Variants in AXIN1 observed in about 807,000 individuals in gnomAD.
The protein encoded by AXIN1 is axin-1.
A neutral mutation model predicts 76.4 loss-of-function variants in AXIN1; 30 were observed. The ratio of observed to expected loss-of-function variants is 0.39; its 90% CI spans 0.29 to 0.53. The LOEUF (loss-of-function observed/expected upper bound fraction) is 0.53, where lower values mean the gene tolerates loss of function less well. Among genes scored for constraint, AXIN1 ranks in the 20% least tolerant of loss-of-function variants. AXIN1 has a pLI of 0.66. For missense variants in AXIN1, 1,140 were observed against 1,198.8 expected (o/e 0.95, Z 0.72); for synonymous variants, 545 against 501.4 (o/e 1.09, Z -1.16).
intron 9 of AXIN1, 52 bp from the exon 10 acceptor site, chr16:289,659 G>T: frequency 6.2e-7 from 1 of 1,605,784 alleles, no homozygotes. Flanking sequence ...AGGTCCCACA[G>T]GGTCCCTCCT....
chr16:346,963 G>C lies in AXIN1; in HGVS notation c.63C>G (p.Pro21=), dbSNP rs1443516631. The change falls in exon 2 of 11, where the codon CCC becomes CCG. Residue 21 remains proline, a synonymous_variant. Coordinates refer to ENST00000262320, the MANE Select transcript of AXIN1 (RefSeq NM_003502.4). ...CCTCCTCACCAGGCACTGGGGGTCG[G>C]GGAGCATCTTCGGTGAAACTTGCTC... is the stretch of plus-strand genomic sequence containing the variant. ...DLGASFTEDA[P]RPPVPGEEGE... 5 of 1,614,238 alleles carry C rather than the reference G, an allele frequency of 3.1e-6. No homozygotes were observed. The highest frequency in any genetic ancestry group is 4.2e-6 in the Non-Finnish European group (5 of 1,180,046).
At chr16:305,482 A>G (rs1210694945) in intron 4 of AXIN1, among the ~76,000 whole-genome samples, 1 of 152,208 alleles carries the variant, frequency 6.6e-6, no homozygotes, top group Non-Finnish European at 1.5e-5. Flanking sequence ...TCTCAAAATA[A>G]TAACAATACA....
At chr16:340,794 G>A (rs2053901250) in intron 2 of AXIN1, among the ~76,000 whole-genome samples, 1 of 152,198 alleles carries the variant, frequency 6.6e-6, no homozygotes, top group Non-Finnish European at 1.5e-5. Flanking sequence ...AAAAGGGCCA[G>A]GAATGGAGCT....
chr16:335,870 G>A (rs1567299982), intron 2 of AXIN1, among the ~76,000 whole-genome samples: 2 of 151,744 alleles, frequency 1.3e-5, no homozygotes, highest in South Asian at 4.2e-4. Context: ...ATTTAAGTTG[G>A]AAAGTAAAAT....
At chr16:327,793 A>G (rs1159016564) in intron 2 of AXIN1, among the ~76,000 whole-genome samples, 2 of 152,264 alleles carry the variant, frequency 1.3e-5, no homozygotes. Context: ...TGAGCATTTC[A>G]GCAAACAGTG....
At chr16:341,732 C>T (rs1039640680) in intron 2 of AXIN1, among the ~76,000 whole-genome samples, 1 of 152,264 alleles carries the variant, frequency 6.6e-6, no homozygotes. Flanking sequence ...CGTGGAGAAC[C>T]TTTATGTCTA....
In AXIN1 at chr16:297,921, G is replaced by C. The variant is rs745774861; in HGVS notation, c.1585C>G (p.Leu529Val). The C allele has an allele frequency of 6.3e-7, 1 of 1,598,612 alleles. No individual in the cohort carries two copies. Among genetic ancestry groups the C allele is most frequent in the Non-Finnish European group, 8.5e-7 (1 of 1,172,198 alleles). ...TGGTGGACGTGTCGGTGGTGGTGCAGGCCGGCCGCGTCCAGCTTCGCCCCT... is the reference window on the plus strand; with the variant it reads ...TGGTGGACGTGTCGGTGGTGGTGCACGCCGGCCGCGTCCAGCTTCGCCCCT... ...KSGAKLDAAGLHHHRHVHHHV... is the reference protein window; with the variant it reads ...KSGAKLDAAGVHHHRHVHHHV... Residue 529 changes from leucine (L) to valine (V), a missense_variant, in exon 6 of 11, where the codon CTG (leucine) becomes GTG (valine). Around this residue, in one of 3 missense-constraint regions of AXIN1, gnomAD observed 708 missense variants for 776.9 expected, o/e 0.91. Coordinates refer to ENST00000262320, the MANE Select transcript of AXIN1 (RefSeq NM_003502.4).
At position 310,013 on chromosome 16, in the gene AXIN1, C is replaced by G; in HGVS notation, c.1076G>C (p.Ser359Thr). 1 of 1,613,506 alleles carries G rather than the reference C, an allele frequency of 6.2e-7. No individual in the cohort carries two copies. Among genetic ancestry groups the G allele is most frequent in the Non-Finnish European group, 8.5e-7 (1 of 1,179,994 alleles). ...RKQHRREMQESVQVNGRVPLP... is the reference protein window; with the variant it reads ...RKQHRREMQETVQVNGRVPLP... ...GGGCACCCGCCCATTGACCTGCACG[C>G]TCTCCTGCATCTCCCTGCGGTGCTG... Residue 359 changes from serine to threonine, a missense_variant, in exon 4 of 11, where the codon AGC becomes ACC. Physicochemically the swap from Ser to Thr is moderately conservative, Grantham distance 58. Around this residue, in one of 3 missense-constraint regions of AXIN1, gnomAD observed 708 missense variants for 776.9 expected, o/e 0.91. Coordinates refer to ENST00000262320, the MANE Select transcript of AXIN1 (RefSeq NM_003502.4).
intron 2 of AXIN1, among the ~76,000 whole-genome samples, chr16:324,798 G>A (rs778157327): frequency 1.3e-5 from 2 of 152,150 alleles, no homozygotes; most frequent in African/African-American, 2.4e-5. Flanking sequence ...GACAGAACCC[G>A]CCCTGCAGAG....
At chr16:340,119 A>G (rs1384402914) in intron 2 of AXIN1, among the ~76,000 whole-genome samples, 2 of 151,940 alleles carry the variant, frequency 1.3e-5, no homozygotes, top group African/African-American at 2.4e-5. Context: ...TAAACTAATG[A>G]GCAGGTCCGA....
At position 352,573 on chromosome 16, in the gene AXIN1, C is replaced by G. The variant is rs1597138827; in HGVS notation, c.-286G>C. ...GGCGCCGCAGGGGCCCAGCCGCCAG[C>G]TCCCACCCGCCCGCTCCGCGTGGAC... On this transcript the variant is annotated 5_prime_UTR_variant, in exon 1 of 11. Coordinates refer to ENST00000262320, the MANE Select transcript of AXIN1 (RefSeq NM_003502.4). The G allele has an allele frequency of 1.4e-5, 3 of 211,580 alleles. No homozygotes were observed. Among genetic ancestry groups the G allele is most frequent in the Non-Finnish European group, 2.4e-5 (3 of 125,176 alleles). 13.1% of individuals were successfully genotyped at this position (211,580 alleles called of 1,614,324 possible). A position where few individuals can be genotyped will look rare whatever the true frequency, so the allele number is the denominator to read the frequency against.
intron 10 of AXIN1, among the ~76,000 whole-genome samples, chr16:288,784 C>T (rs190358186): frequency 2.0e-5 from 3 of 152,348 alleles, no homozygotes; most frequent in East Asian, 1.9e-4. Context: ...TGGCCCAGGG[C>T]GAATGAACCT....
intron 6 of AXIN1, 50 bp from the exon 7 acceptor site, chr16:297,276 G>T: frequency 6.3e-7 from 1 of 1,597,948 alleles, no homozygotes; most frequent in Non-Finnish European, 8.5e-7. Context: ...GGCCGAGGCT[G>T]TGCCCCTTCC....
intron 2 of AXIN1, among the ~76,000 whole-genome samples, chr16:341,289 G>A (rs1028689692): frequency 3.3e-5 from 5 of 152,266 alleles, no homozygotes; most frequent in African/African-American, 9.6e-5. Flanking sequence ...CGGGAACCGC[G>A]GCTGCATGCG....
chr16:310,606 C>T (rs2053152200), intron 3 of AXIN1, among the ~76,000 whole-genome samples: 2 of 152,220 alleles, frequency 1.3e-5, no homozygotes, highest in African/African-American at 4.8e-5. Flanking sequence ...ACTGTGTTAG[C>T]CAGGAGAGTC....
At chr16:305,726 A>C (rs1597021076) in intron 4 of AXIN1, among the ~76,000 whole-genome samples, 2 of 152,082 alleles carry the variant, frequency 1.3e-5, no homozygotes, top group East Asian at 3.9e-4. Context: ...TTGTATTTTT[A>C]GTAGAGACAG....
chr16:341,851 G>A (rs956058919), intron 2 of AXIN1, among the ~76,000 whole-genome samples: 3 of 152,236 alleles, frequency 2.0e-5, no homozygotes, highest in Admixed American at 1.3e-4. Flanking sequence ...TGCACCAATC[G>A]ACACTCTGTA....
chr16:312,128 A>C (rs1177250013), intron 3 of AXIN1, among the ~76,000 whole-genome samples: 2 of 152,170 alleles, frequency 1.3e-5, no homozygotes, highest in East Asian at 3.9e-4. Flanking sequence ...GGTAACCTCC[A>C]CAGGCCTCCG....
At chr16:326,824 C>T (rs997195419) in intron 2 of AXIN1, among the ~76,000 whole-genome samples, 2 of 151,808 alleles carry the variant, frequency 1.3e-5, no homozygotes, top group African/African-American at 4.8e-5. Flanking sequence ...GGGATGTGGC[C>T]TCTGCCTGAA....
Sources: allele counts gnomAD v4.1 joint callset (sites outside exome capture counted in the v4.1 genomes callset), GRCh38; gene constraint gnomAD v4.1.1; regional missense constraint gnomAD v4.1.1; transcripts MANE v1.5; gene names NCBI Gene and HGNC (gene_info 2026-07-23, HGNC 2026-07-21).